The following IL1RAPL2 variants were observed in gnomAD, a reference collection of about 807,000 sequenced individuals.
IL1RAPL2 encodes interleukin 1 receptor accessory protein like 2.
In IL1RAPL2, 3 loss-of-function variants were observed where a neutral mutation model predicts 44.1. That is an observed-to-expected ratio of 0.07 (90% CI 0.03 to 0.18). The LOEUF (loss-of-function observed/expected upper bound fraction) is 0.18, where lower values mean the gene tolerates loss of function less well. IL1RAPL2 is among the 10% of genes least tolerant of loss of function. The pLI is 1.00. For synonymous variants in IL1RAPL2, 181 were observed against 178.8 expected (o/e 1.01, Z -0.10); for missense variants, 391 against 496.4 (o/e 0.79, Z 2.02).
intron 5 of IL1RAPL2, among the ~76,000 whole-genome samples, chrX:105,430,082 A>T (rs2035837513): frequency 8.9e-6 from 1 of 111,783 alleles, no homozygotes; most frequent in African/African-American, 3.2e-5. Context: ...ATCTTCTTGG[A>T]TTAACCAAGC....
intron 2 of IL1RAPL2, among the ~76,000 whole-genome samples, chrX:105,079,255 G>C (rs776333683): frequency 9.0e-6 from 1 of 111,417 alleles, no homozygotes; most frequent in Non-Finnish European, 1.9e-5. Flanking sequence ...GTGGAAGACA[G>C]TGTGGAGATT....
At chrX:105,480,091 A>G (rs2036224394) in intron 5 of IL1RAPL2, among the ~76,000 whole-genome samples, 1 of 112,121 alleles carries the variant, frequency 8.9e-6, no homozygotes, top group Non-Finnish European at 1.9e-5. Flanking sequence ...TTTCTGGCCA[A>G]TCTAATTAAA....
At chrX:105,174,839 G>A (rs2033457771) in intron 2 of IL1RAPL2, among the ~76,000 whole-genome samples, 1 of 111,160 alleles carries the variant, frequency 9.0e-6, no homozygotes, top group African/African-American at 3.3e-5. Flanking sequence ...TGAGAAAGTG[G>A]GGAACTCTTC....
intron 5 of IL1RAPL2, among the ~76,000 whole-genome samples, chrX:105,320,478 G>A (rs913137975): frequency 9.0e-6 from 1 of 111,644 alleles, no homozygotes; most frequent in African/African-American, 3.3e-5. Context: ...CAGAAAAGTG[G>A]GGCCTGCCTG....
chrX:104,718,226 G>A (rs901306238), intron 2 of IL1RAPL2, among the ~76,000 whole-genome samples: 36 of 111,295 alleles, frequency 3.2e-4, no homozygotes, highest in Non-Finnish European at 6.2e-4. Flanking sequence ...CACCAACAGT[G>A]TAAAAGTGTT....
intron 6 of IL1RAPL2, among the ~76,000 whole-genome samples, chrX:105,519,452 A>C (rs6523849): frequency 0.087 from 9,623 of 110,988 alleles, 1,025 homozygotes; most frequent in African/African-American, 0.3. Context: ...GTTTCAGTGC[A>C]GGGTCTGGAC....
At chrX:105,417,351 T>C (rs761967035) in intron 5 of IL1RAPL2, among the ~76,000 whole-genome samples, 1 of 112,055 alleles carries the variant, frequency 8.9e-6, no homozygotes, top group Non-Finnish European at 1.9e-5. Flanking sequence ...CGTGTGCCTG[T>C]AATCCCAGCT....
intron 4 of IL1RAPL2, among the ~76,000 whole-genome samples, chrX:105,266,312 G>A (rs188722481): frequency 9.0e-6 from 1 of 111,052 alleles, no homozygotes; most frequent in East Asian, 2.8e-4. Context: ...AAAGTGCTGG[G>A]ATTACAGGCG....
intron 5 of IL1RAPL2, among the ~76,000 whole-genome samples, chrX:105,278,594 G>A (rs1035173552): frequency 1.8e-5 from 2 of 111,742 alleles, no homozygotes; most frequent in African/African-American, 6.5e-5. Flanking sequence ...ATAGAGTAGA[G>A]CAGATGCTCA....
At chrX:105,334,654 A>G (rs1274585351) in intron 5 of IL1RAPL2, among the ~76,000 whole-genome samples, 1 of 111,683 alleles carries the variant, frequency 9.0e-6, no homozygotes, top group Non-Finnish European at 1.9e-5. Flanking sequence ...GTACCCACAA[A>G]CATTAAAAAT....
At chrX:104,779,184 G>A (rs1932757021) in intron 2 of IL1RAPL2, among the ~76,000 whole-genome samples, 1 of 112,440 alleles carries the variant, frequency 8.9e-6, no homozygotes, top group Non-Finnish European at 1.9e-5. Context: ...ATAATAGATA[G>A]AAATGTGTTT....
chrX:105,691,764 C>T (rs2038036807), intron 6 of IL1RAPL2, among the ~76,000 whole-genome samples: 1 of 110,877 alleles, frequency 9.0e-6, no homozygotes, highest in Admixed American at 9.6e-5. Flanking sequence ...TTTTTAAAGT[C>T]AAAAAATCAC....
chrX:104,677,429 C>T lies in IL1RAPL2; in HGVS notation c.82+18434C>T, dbSNP rs913496607. On this transcript the variant is annotated intron_variant, in intron 2 of 10. Transcript: ENST00000372582. ...TGCTCAGGGTTCAGGGGTCAGGGACCCACTTGAGGAGGCAGTCTGCCGGTT... is the reference window on the plus strand; with the variant it reads ...TGCTCAGGGTTCAGGGGTCAGGGACTCACTTGAGGAGGCAGTCTGCCGGTT... 4.5e-5 allele frequency among the ~76,000 whole-genome samples: 5 copies of T among 111,196 alleles called. No individual in the cohort carries two copies. The South Asian group carries it at 1.9e-3, about 43-fold the overall frequency.
intron 5 of IL1RAPL2, among the ~76,000 whole-genome samples, chrX:105,332,159 G>T (rs1305331082): frequency 9.1e-6 from 1 of 110,166 alleles, no homozygotes; most frequent in Non-Finnish European, 1.9e-5. Flanking sequence ...CAGGGAATAG[G>T]TCCAAAAAAA....
At chrX:104,995,262 C>A (rs779919660) in intron 2 of IL1RAPL2, among the ~76,000 whole-genome samples, 1 of 111,073 alleles carries the variant, frequency 9.0e-6, no homozygotes, top group Non-Finnish European at 1.9e-5. Flanking sequence ...ATATAAGCAC[C>A]CTAAGAGCTG....
rs891093895 is a variant in IL1RAPL2, at chrX:105,609,352, C to T, written c.773-108015C>T. ...CAACATTGTGAATGTACTTAATGGG[C>T]GCTGAATTGTACACTTAAAATGGTT... is the stretch of plus-strand genomic sequence containing the variant. On this transcript the variant is annotated intron_variant, in intron 6 of 10. Coordinates refer to ENST00000372582, the MANE Select transcript of IL1RAPL2 (RefSeq NM_017416.2). 1.0e-4 allele frequency among the ~76,000 whole-genome samples: 11 copies of T among 105,824 alleles called. No individual in the cohort carries two copies. The East Asian group carries it at 2.7e-3, about 26-fold the overall frequency. The allele number at this position is 105,824 out of a possible 115,157, so 91.9% of individuals were successfully genotyped here. A position where few individuals can be genotyped will look rare whatever the true frequency, so the allele number is the denominator to read the frequency against.
chrX:105,015,967 T>C lies in IL1RAPL2; in HGVS notation c.83-179508T>C, dbSNP rs189111484. Among the ~76,000 whole-genome samples, 35 of 111,752 alleles carry C rather than the reference T, an allele frequency of 3.1e-4. No homozygotes were observed. The East Asian group carries it at 8.9e-3, about 28-fold the overall frequency. ...TGAGCATGGAATGTTTTTCCATTTGTTTGTGTCCTCTCTTATGTCCTTGAG... is the reference window on the plus strand; with the variant it reads ...TGAGCATGGAATGTTTTTCCATTTGCTTGTGTCCTCTCTTATGTCCTTGAG... On this transcript the variant is annotated intron_variant, in intron 2 of 10. Transcript: ENST00000372582.
intron 6 of IL1RAPL2, among the ~76,000 whole-genome samples, chrX:105,533,041 T>G: frequency 9.1e-6 from 1 of 109,712 alleles, no homozygotes; most frequent in East Asian, 2.9e-4. Context: ...AATACAAAAA[T>G]TAGCCAGGCG....
At chrX:105,587,832 A>T (rs1232879618) in intron 6 of IL1RAPL2, among the ~76,000 whole-genome samples, 4 of 111,640 alleles carry the variant, frequency 3.6e-5, no homozygotes, top group Non-Finnish European at 7.5e-5. Flanking sequence ...TGAGTCTAGG[A>T]GTTTGAGACC....
Sources: gnomAD v4.1 joint callset for allele counts (sites outside exome capture counted in the v4.1 genomes callset) on GRCh38, gnomAD v4.1.1 for gene constraint, MANE v1.5 for transcripts, NCBI Gene and HGNC (gene_info 2026-07-23, HGNC 2026-07-21) for gene names.